The following SGMS1 variants were observed in gnomAD, a reference collection of about 807,000 sequenced individuals.
SGMS1 encodes sphingomyelin synthase 1.
A neutral mutation model predicts 46.2 loss-of-function variants in SGMS1; 13 were observed. The observed-to-expected ratio is 0.28, with a 90% CI of 0.18 to 0.45. The LOEUF (loss-of-function observed/expected upper bound fraction) is 0.45, where lower values mean the gene tolerates loss of function less well. SGMS1 is among the 20% of genes least tolerant of loss of function. The probability of loss-of-function intolerance (pLI) is 1.00; values close to 1 mark genes in which losing one functional copy is unlikely to be tolerated. For missense variants in SGMS1, 324 were observed against 519.9 expected (o/e 0.62, Z 3.66); for synonymous variants, 203 against 187.8 (o/e 1.08, Z -0.66).
At chr10:50,591,286 A>T (rs575928070) in intron 1 of SGMS1, among the ~76,000 whole-genome samples, 12 of 152,194 alleles carry the variant, frequency 7.9e-5, no homozygotes, top group African/African-American at 2.9e-4. Context: ...TTAAACTCCT[A>T]TTTGTCTTCT....
At chr10:50,447,453 G>A (rs1234588852) in intron 5 of SGMS1, among the ~76,000 whole-genome samples, 1 of 152,028 alleles carries the variant, frequency 6.6e-6, no homozygotes, top group Non-Finnish European at 1.5e-5. Context: ...CTTTAAAATT[G>A]TAACACTTAA....
In SGMS1 at chr10:50,527,063, C is replaced by CAAA. The variant is rs573386594; in HGVS notation, c.-588-7145_-588-7143dup. Among the ~76,000 whole-genome samples, 87 of 90,742 alleles carry CAAA rather than the reference C, an allele frequency of 9.6e-4. 1 individual carries two copies. Among genetic ancestry groups the CAAA allele is most frequent in the African/African-American group, 3.2e-3 (57 of 18,010 alleles). The allele number at this position is 90,742 out of a possible 152,430, so 59.5% of individuals were successfully genotyped here. A position where few individuals can be genotyped will look rare whatever the true frequency, so the allele number is the denominator to read the frequency against. ...TGGGTGACAGAGTGAGACTCTGTCT[C>CAAA]AAAAAAAAAAAAAAAAAAAAAAAAA... is the stretch of plus-strand genomic sequence containing the variant. On this transcript the variant is annotated intron_variant, in intron 2 of 10. Transcript: ENST00000361781.
chr10:50,482,213 T>C (rs1479561700), intron 3 of SGMS1, among the ~76,000 whole-genome samples: 1 of 151,966 alleles, frequency 6.6e-6, no homozygotes, highest in Non-Finnish European at 1.5e-5. Context: ...CCAAGACACA[T>C]AATCATCAGA....
chr10:50,310,701 C>T (rs559439041), intron 9 of SGMS1, among the ~76,000 whole-genome samples: 29 of 152,182 alleles, frequency 1.9e-4, no homozygotes, highest in African/African-American at 5.5e-4. Flanking sequence ...GCCATGTATG[C>T]GGTATTTATA....
At chr10:50,379,358 A>C (rs1229099018) in intron 6 of SGMS1, among the ~76,000 whole-genome samples, 1 of 152,222 alleles carries the variant, frequency 6.6e-6, no homozygotes, top group East Asian at 1.9e-4. Flanking sequence ...ATATCTGTAC[A>C]TACCAACATA....
intron 3 of SGMS1, among the ~76,000 whole-genome samples, chr10:50,499,479 A>G (rs1466601139): frequency 6.6e-6 from 1 of 152,162 alleles, no homozygotes; most frequent in Non-Finnish European, 1.5e-5. Context: ...AAATATACAT[A>G]TCCTTTCCTC....
chr10:50,311,318 T>C lies in SGMS1; in HGVS notation c.839A>G (p.Tyr280Cys). Residue 280 changes from tyrosine to cysteine, a missense_variant, in exon 9 of 11, where the codon TAT becomes TGT. Tyr to Cys is a radical substitution (Grantham distance 194). Coordinates refer to ENST00000361781, the MANE Select transcript of SGMS1 (RefSeq NM_147156.4). ...ITGSHNMCGDYLYSGHTVMLT... is the reference protein window; with the variant it reads ...ITGSHNMCGDCLYSGHTVMLT... ...CATGACCGTGTGGCCGCTGTACAGA[T>C]AGTCCCCACACATGTTGTGAGAGCC... 1 of 1,614,016 alleles carries C rather than the reference T, an allele frequency of 6.2e-7. No homozygotes were observed. The highest frequency in any genetic ancestry group is 1.1e-5 in the South Asian group (1 of 91,076).
intron 2 of SGMS1, among the ~76,000 whole-genome samples, chr10:50,524,261 T>C (rs186883057): frequency 1.5e-4 from 23 of 152,324 alleles, no homozygotes; most frequent in African/African-American, 5.5e-4. Context: ...TCTGCATGTG[T>C]CCAGCACCCT....
intron 6 of SGMS1, among the ~76,000 whole-genome samples, chr10:50,425,703 C>T (rs1160842250): frequency 1.3e-5 from 2 of 152,026 alleles, no homozygotes; most frequent in South Asian, 2.1e-4. Flanking sequence ...CACAATCTAC[C>T]CATGTAACAA....
chr10:50,592,616 G>A (rs1363251261), intron 1 of SGMS1, among the ~76,000 whole-genome samples: 1 of 152,092 alleles, frequency 6.6e-6, no homozygotes, highest in East Asian at 1.9e-4. Context: ...CACAGATCCC[G>A]GCGCAAGTAT....
chr10:50,623,588 C>G, intron 1 of SGMS1, 119 bp downstream of exon 1: 1 of 985,276 alleles, frequency 1.0e-6, no homozygotes, highest in Non-Finnish European at 1.2e-6. Context: ...CGCTCACGCC[C>G]CCTCGCCCCA....
intron 7 of SGMS1, among the ~76,000 whole-genome samples, chr10:50,333,373 T>G (rs1268463167): frequency 6.6e-6 from 1 of 152,232 alleles, no homozygotes; most frequent in Admixed American, 6.5e-5. Flanking sequence ...AACCCTTTTA[T>G]GTATCTGCCA....
chr10:50,446,859 A>G (rs1564916095), intron 5 of SGMS1, among the ~76,000 whole-genome samples: 1 of 152,226 alleles, frequency 6.6e-6, no homozygotes, highest in Non-Finnish European at 1.5e-5. Flanking sequence ...TTTAAAATAA[A>G]TCACAAAATA....
chr10:50,587,305 A>T (rs1394133505), intron 2 of SGMS1, among the ~76,000 whole-genome samples: 1 of 152,198 alleles, frequency 6.6e-6, no homozygotes, highest in African/African-American at 2.4e-5. Context: ...AGAAAAAAAA[A>T]TTAAGGAAAT....
intron 5 of SGMS1, among the ~76,000 whole-genome samples, chr10:50,456,000 G>A (rs1017944044): frequency 6.6e-6 from 1 of 152,110 alleles, no homozygotes; most frequent in African/African-American, 2.4e-5. Context: ...CTAATCTATG[G>A]GAAGTCCAAC....
At chr10:50,342,581 T>C (rs186795063) in intron 7 of SGMS1, 13 of 152,374 alleles carry the variant, frequency 8.5e-5, no homozygotes, top group African/African-American at 2.6e-4. Flanking sequence ...AGTGTGCATT[T>C]TGTTTTCTTG....
At chr10:50,591,024 C>A (rs1435776720) in intron 1 of SGMS1, among the ~76,000 whole-genome samples, 3 of 152,124 alleles carry the variant, frequency 2.0e-5, no homozygotes, top group Non-Finnish European at 2.9e-5. Flanking sequence ...CAAATCCTTT[C>A]CAGCAAAGGT....
At chr10:50,535,515 G>A (rs1297317983) in intron 2 of SGMS1, among the ~76,000 whole-genome samples, 1 of 151,878 alleles carries the variant, frequency 6.6e-6, no homozygotes, top group Non-Finnish European at 1.5e-5. Context: ...ACAGGTACAG[G>A]TGCACCACCA....
intron 2 of SGMS1, among the ~76,000 whole-genome samples, chr10:50,528,789 G>T (rs538947907): frequency 6.6e-6 from 1 of 152,284 alleles, no homozygotes; most frequent in South Asian, 2.1e-4. Context: ...GAGCCCAGGA[G>T]GCTGAGGCTG....
Sources: gnomAD v4.1 joint callset for allele counts (sites outside exome capture counted in the v4.1 genomes callset) on GRCh38, gnomAD v4.1.1 for gene constraint, MANE v1.5 for transcripts, NCBI Gene and HGNC (gene_info 2026-07-23, HGNC 2026-07-21) for gene names.